SHROOM3: variants seen among roughly 807,000 people sequenced by gnomAD.
SHROOM3 encodes the protein protein Shroom3.
A neutral mutation model predicts 138.6 loss-of-function variants in SHROOM3; 47 were observed. That is an observed-to-expected ratio of 0.34 (90% CI 0.27 to 0.43). The LOEUF is 0.43. SHROOM3 is among the 20% of genes least tolerant of loss of function. The probability of loss-of-function intolerance (pLI) is 1.00; values close to 1 mark genes in which losing one functional copy is unlikely to be tolerated. For missense variants in SHROOM3, 2,491 were observed against 2,596.5 expected (o/e 0.96, Z 0.88); for synonymous variants, 1,062 against 1,063.3 (o/e 1.00, Z 0.02).
chr4:76,493,781 C>G (rs999876016), intron 1 of SHROOM3, among the ~76,000 whole-genome samples: 1 of 152,278 alleles, frequency 6.6e-6, no homozygotes, highest in East Asian at 1.9e-4. Flanking sequence ...GAGTTCGAGA[C>G]CAGCCTGGCC....
At chr4:76,483,567 A>G (rs971074134) in intron 1 of SHROOM3, among the ~76,000 whole-genome samples, 1 of 152,372 alleles carries the variant, frequency 6.6e-6, no homozygotes, top group African/African-American at 2.4e-5. Flanking sequence ...AATTAGTTCA[A>G]CCATTTTAGA....
intron 2 of SHROOM3, among the ~76,000 whole-genome samples, chr4:76,706,128 T>C (rs141689654): frequency 5.6e-4 from 86 of 152,290 alleles, no homozygotes; most frequent in Middle Eastern, 3.4e-3. Flanking sequence ...TGTTTTGTTT[T>C]TTGTTTGTTT....
At chr4:76,465,525 G>A (rs1511817) in intron 1 of SHROOM3, among the ~76,000 whole-genome samples, 93,575 of 151,984 alleles carry the variant, frequency 0.62, 30,028 homozygotes, top group East Asian at 0.75. Context: ...ACTGCAGGCC[G>A]AAGCTCCTTT....
intron 2 of SHROOM3, among the ~76,000 whole-genome samples, chr4:76,696,756 T>C (rs930437454): frequency 6.6e-6 from 1 of 152,220 alleles, no homozygotes; most frequent in Non-Finnish European, 1.5e-5. Flanking sequence ...CCATCTGTTC[T>C]TAAGTTAGTC....
intron 2 of SHROOM3, chr4:76,639,612 G>A (rs1046048390): frequency 2.5e-6 from 1 of 398,104 alleles, no homozygotes; most frequent in Non-Finnish European, 4.4e-6. Context: ...CCCAGACTTG[G>A]GACCCAAAAC....
intron 2 of SHROOM3, among the ~76,000 whole-genome samples, chr4:76,687,751 G>A (rs969707823): frequency 6.6e-6 from 1 of 152,240 alleles, no homozygotes; most frequent in South Asian, 2.1e-4. Context: ...AATTTCACTG[G>A]TGTAACATCC....
chr4:76,528,005 T>C (rs780351994), intron 1 of SHROOM3, among the ~76,000 whole-genome samples: 28 of 152,192 alleles, frequency 1.8e-4, no homozygotes, highest in Non-Finnish European at 3.7e-4. Flanking sequence ...TACTACTACA[T>C]CTTCTTAAAA....
intron 1 of SHROOM3, among the ~76,000 whole-genome samples, chr4:76,550,877 T>C (rs1273015069): frequency 1.3e-5 from 2 of 151,302 alleles, no homozygotes; most frequent in Non-Finnish European, 2.9e-5. Flanking sequence ...CACATGCCTG[T>C]GATCCCAGCT....
At position 76,740,829 on chromosome 4, in the gene SHROOM3, C is replaced by T. The variant is rs374309118; in HGVS notation, c.2656C>T (p.Leu886Phe). ...CCCCCAGAGGCCGGACGCTCGGCTC[C>T]TCCGTAGCCAGAGCACCTTCCAGCT... ...RGPQRPDARL[L>F]RSQSTFQLSS... The change falls in exon 5 of 11, where the codon CTC becomes TTC. Residue 886 changes from leucine to phenylalanine, a missense_variant. This residue lies in a region of SHROOM3 where 1,733 missense variants were observed against 1,661.6 expected (regional missense o/e 1.04). Coordinates refer to ENST00000296043, the MANE Select transcript of SHROOM3 (RefSeq NM_020859.4). This position sits in a 1 kb window ranked among gnomAD's most constrained non-coding sequence, Gnocchi z 4.0. 4.4e-6 allele frequency: 7 copies of T among 1,594,516 alleles called. No individual in the cohort carries two copies. Among genetic ancestry groups the T allele is most frequent in the Non-Finnish European group, 6.0e-6 (7 of 1,170,854 alleles).
chr4:76,603,034 C>T (rs1734537345), intron 2 of SHROOM3, among the ~76,000 whole-genome samples: 1 of 152,102 alleles, frequency 6.6e-6, no homozygotes, highest in Non-Finnish European at 1.5e-5. Context: ...ATGGACTGAT[C>T]GATAGACCCA....
Position 76,640,488 on chromosome 4 carries a change from T to C in SHROOM3, c.324-69668T>C, listed in dbSNP as rs573601786. On this transcript the variant is annotated intron_variant, in intron 2 of 10. Coordinates refer to ENST00000296043, the MANE Select transcript of SHROOM3 (RefSeq NM_020859.4). ...GGGAGCCTGTGCTTGAGAAGACTAG[T>C]CATACTAATTATTCAGACCTCCTCC... Among the ~76,000 whole-genome samples the C allele has an allele frequency of 5.3e-5, 8 of 152,256 alleles. No individual in the cohort carries two copies. The South Asian group carries it at 1.7e-3, about 32-fold the overall frequency.
intron 2 of SHROOM3, among the ~76,000 whole-genome samples, chr4:76,647,823 G>A (rs980230235): frequency 6.6e-6 from 1 of 152,108 alleles, no homozygotes; most frequent in Non-Finnish European, 1.5e-5. Flanking sequence ...TTGAGCCCTG[G>A]AGGTTGAGTC....
In SHROOM3 at chr4:76,700,360, G is replaced by C. The variant is rs566648040; in HGVS notation, c.324-9796G>C. ...GCAGAAACAGTTTGGCCCCCAGCCTGGCTCAGAGCACTCCATAAGGTAATG... is the reference window on the plus strand; with the variant it reads ...GCAGAAACAGTTTGGCCCCCAGCCTCGCTCAGAGCACTCCATAAGGTAATG... On this transcript the variant is annotated intron_variant, in intron 2 of 10. Coordinates refer to ENST00000296043, the MANE Select transcript of SHROOM3 (RefSeq NM_020859.4). Among the ~76,000 whole-genome samples, 3 of 152,308 alleles carry C rather than the reference G, an allele frequency of 2.0e-5. No homozygotes were observed. The South Asian group carries it at 6.2e-4, about 32-fold the overall frequency.
intron 2 of SHROOM3, among the ~76,000 whole-genome samples, chr4:76,654,037 G>A (rs1368038688): frequency 3.9e-5 from 6 of 152,172 alleles, no homozygotes; most frequent in Non-Finnish European, 7.3e-5. Context: ...TAACAAAATA[G>A]ACATGATAAC....
chr4:76,596,930 T>C (rs12648976), intron 2 of SHROOM3, among the ~76,000 whole-genome samples: 89,295 of 151,928 alleles, frequency 0.59, 26,996 homozygotes, highest in East Asian at 0.86. Context: ...CTCTCAGCCT[T>C]GCCCCAGCAC....
rs186156427 is a variant in SHROOM3 at position 76,778,860 on chromosome 4, C to T, written c.5674C>T (p.Arg1892Trp). Residue 1892 changes from arginine (R) to tryptophan (W), a missense_variant, in exon 11 of 11, where the codon CGG (arginine) becomes TGG (tryptophan). Physicochemically the swap from Arg to Trp is moderately radical, Grantham distance 101 (BLOSUM62 -3). This residue lies in a region of SHROOM3 where 470 missense variants were observed against 595.0 expected (regional missense o/e 0.79). Coordinates refer to ENST00000296043, the MANE Select transcript of SHROOM3 (RefSeq NM_020859.4). ...CCTGGCTGGTCAGCATGAGGATGCC[C>T]GGGAGCTGAAGGAGAACCTGGATCG... ...KILAGQHEDA[R>W]ELKENLDRRE... 6 of 1,612,806 alleles carry T rather than the reference C, an allele frequency of 3.7e-6. No homozygotes were observed. Among genetic ancestry groups the T allele is most frequent in the Admixed American group, 1.7e-5 (1 of 60,018 alleles).
At chr4:76,674,312 T>C (rs1234867896) in intron 2 of SHROOM3, among the ~76,000 whole-genome samples, 1 of 152,172 alleles carries the variant, frequency 6.6e-6, no homozygotes, top group African/African-American at 2.4e-5. Context: ...TGAACAGTGA[T>C]CCTATATTTC....
intron 1 of SHROOM3, among the ~76,000 whole-genome samples, chr4:76,460,827 C>CAAAAAAAAAAAAAAAAAAAAAAAAA (rs58793404): frequency 6.3e-5 from 5 of 78,774 alleles, no homozygotes; most frequent in African/African-American, 1.3e-4. Context: ...CCCGTATCTA[C>CAAAAAAAAAAAAAAAAAAAAAAAAA]AAAAAAAAAA....
At chr4:76,735,337 T>C (rs1383913119) in intron 4 of SHROOM3, among the ~76,000 whole-genome samples, 1 of 152,116 alleles carries the variant, frequency 6.6e-6, no homozygotes, top group East Asian at 1.9e-4. Context: ...GTGAGTGATA[T>C]CAGTGCCTGT....
Sources: gnomAD v4.1 joint callset for allele counts (sites outside exome capture counted in the v4.1 genomes callset) on GRCh38, gnomAD v4.1.1 for gene constraint, gnomAD v4.1.1 regional missense constraint, Gnocchi (gnomAD v3.1) non-coding constraint, MANE v1.5 for transcripts, NCBI Gene and HGNC (gene_info 2026-07-23, HGNC 2026-07-21) for gene names.